Variants in WDFY4 observed in about 807,000 individuals in gnomAD.
WDFY4 encodes the protein WDFY family member 4.
Under a neutral mutation model 351.9 loss-of-function variants are expected in WDFY4, and 169 were observed. The ratio of observed to expected loss-of-function variants is 0.48; its 90% CI spans 0.42 to 0.55. WDFY4 has a LOEUF of 0.55. WDFY4 is among the 20% of genes least tolerant of loss of function. WDFY4 has a pLI of 0.00. For synonymous variants in WDFY4, 1,622 were observed against 1,574.6 expected (o/e 1.03, Z -0.71); for missense variants, 3,803 against 3,935.6 (o/e 0.97, Z 0.90).
chr10:48,694,861 A>T (rs1589398754), intron 1 of WDFY4, among the ~76,000 whole-genome samples: 1 of 151,684 alleles, frequency 6.6e-6, no homozygotes, highest in East Asian at 1.9e-4. Flanking sequence ...GACCTCCCAG[A>T]CTTCTCCACC....
At chr10:48,696,517 T>G (rs977746167) in intron 1 of WDFY4, among the ~76,000 whole-genome samples, 1 of 152,182 alleles carries the variant, frequency 6.6e-6, no homozygotes, top group Non-Finnish European at 1.5e-5. Flanking sequence ...CAGGCCCACA[T>G]CTCTACGGCC....
At chr10:48,932,359 A>T (rs1840066685) in intron 47 of WDFY4, 1 of 152,232 alleles carries the variant, frequency 6.6e-6, no homozygotes, top group Non-Finnish European at 1.5e-5. Context: ...ATCTTTGCTG[A>T]TTCCCAAATA....
intron 39 of WDFY4, among the ~76,000 whole-genome samples, chr10:48,866,409 A>T (rs1241745770): frequency 2.6e-5 from 4 of 152,124 alleles, no homozygotes; most frequent in Admixed American, 1.3e-4. Context: ...CTGCTAATTG[A>T]TTTCAAATTT....
chr10:48,786,294 CTG>C (rs1210788950), intron 19 of WDFY4, among the ~76,000 whole-genome samples: 1 of 152,130 alleles, frequency 6.6e-6, no homozygotes, highest in Non-Finnish European at 1.5e-5. Flanking sequence ...CCTTTCCACT[CTG>C]TATGTATGTA....
intron 29 of WDFY4, 114 bp downstream of exon 29, chr10:48,810,849 C>T: frequency 8.8e-7 from 1 of 1,140,696 alleles, no homozygotes; most frequent in Admixed American, 3.4e-5. Context: ...GCAGCAGGAT[C>T]ACCTCGAGCC....
At chr10:48,885,701 CAAT>C (rs1204711472) in intron 43 of WDFY4, among the ~76,000 whole-genome samples, 2 of 151,536 alleles carry the variant, frequency 1.3e-5, no homozygotes, top group Non-Finnish European at 2.9e-5. Context: ...AAATATAAAA[CAAT>C]AAGGAGATGT....
intron 44 of WDFY4, among the ~76,000 whole-genome samples, chr10:48,896,993 A>C (rs1288109508): frequency 1.3e-5 from 2 of 152,108 alleles, no homozygotes; most frequent in Non-Finnish European, 2.9e-5. Context: ...CAGGCTGGGC[A>C]TGGGGGAGCC....
At chr10:48,701,538 G>A (rs1399616562) in intron 1 of WDFY4, among the ~76,000 whole-genome samples, 1 of 152,180 alleles carries the variant, frequency 6.6e-6, no homozygotes, top group Non-Finnish European at 1.5e-5. Flanking sequence ...GAACTTAAAG[G>A]ACAGTCTCCC....
Position 48,774,408 on chromosome 10 carries a change from A to C in WDFY4, c.2554-50A>C, listed in dbSNP as rs1288961404. Reference sequence around the variant, plus strand: ...AAGTTGGAGCCTATAAAAGCTGTCCACAAGGTGTTCTGCCCTGGAGGGCTC... The same window carrying C: ...AAGTTGGAGCCTATAAAAGCTGTCCCCAAGGTGTTCTGCCCTGGAGGGCTC... On this transcript the variant is annotated intron_variant, in intron 13 of 61. Transcript: ENST00000325239. The C allele has an allele frequency of 2.6e-6, 4 of 1,541,558 alleles. 1 individual carries two copies. The highest frequency in any genetic ancestry group is 2.4e-5 in the South Asian group (2 of 83,802).
At chr10:48,870,228 G>T (rs1320296634) in intron 40 of WDFY4, among the ~76,000 whole-genome samples, 1 of 152,160 alleles carries the variant, frequency 6.6e-6, no homozygotes, top group South Asian at 2.1e-4. Context: ...GCTACCCAAG[G>T]GTTGCTGTGA....
intron 47 of WDFY4, among the ~76,000 whole-genome samples, chr10:48,920,586 C>G (rs1456690870): frequency 6.6e-6 from 1 of 152,132 alleles, no homozygotes; most frequent in Non-Finnish European, 1.5e-5. Context: ...ACAGAAGGTT[C>G]TTCTCTGAAG....
chr10:48,887,344 A>G (rs1031382778), intron 43 of WDFY4, among the ~76,000 whole-genome samples: 3 of 152,214 alleles, frequency 2.0e-5, no homozygotes, highest in African/African-American at 7.2e-5. Context: ...AATAAGAGAA[A>G]AAGTTTAAGC....
At chr10:48,941,683 T>C in intron 47 of WDFY4, 123 bp from the exon 48 acceptor site, 1 of 946,766 alleles carries the variant, frequency 1.1e-6, no homozygotes, top group Non-Finnish European at 1.7e-6. Context: ...GCTCTGGGAT[T>C]TGGGAAGTCT....
intron 1 of WDFY4, among the ~76,000 whole-genome samples, chr10:48,705,070 A>G (rs1321600205): frequency 1.3e-5 from 2 of 152,146 alleles, no homozygotes; most frequent in African/African-American, 4.8e-5. Flanking sequence ...GTCTGGCCCC[A>G]GAGTCTGTGC....
intron 47 of WDFY4, chr10:48,913,581 A>C: frequency 6.2e-7 from 1 of 1,613,950 alleles, no homozygotes; most frequent in Middle Eastern, 1.6e-4. Flanking sequence ...CAGCCTCCTG[A>C]TGGAGTCTAT....
chr10:48,709,637 G>A, intron 1 of WDFY4, 79 bp from the exon 2 acceptor site: 2 of 1,270,446 alleles, frequency 1.6e-6, no homozygotes, highest in African/African-American at 1.5e-5. Flanking sequence ...GGCTGAGTGA[G>A]TACAGTACCT....
Position 48,743,100 on chromosome 10 carries a change from G to A in WDFY4, c.2011G>A (p.Ala671Thr). Residue 671 changes from alanine (A) to threonine (T), a missense_variant, in exon 12 of 62, where the codon GCA becomes ACA. Ala to Thr is a moderately conservative substitution (Grantham distance 58). Transcript: ENST00000325239. Reference protein sequence around the residue: ...LQEPPLQAWGAVSPRQTLELV... With the variant: ...LQEPPLQAWGTVSPRQTLELV... ...GGAGCCCCCGCTGCAGGCATGGGGAGCAGTATCCCCCAGACAGACCCTGGA... is the reference window on the plus strand; with the variant it reads ...GGAGCCCCCGCTGCAGGCATGGGGAACAGTATCCCCCAGACAGACCCTGGA... 2 of 1,551,742 alleles carry A rather than the reference G, an allele frequency of 1.3e-6. No individual in the cohort carries two copies. The highest frequency in any genetic ancestry group is 1.7e-6 in the Non-Finnish European group (2 of 1,147,000).
At chr10:48,871,381 T>C (rs527628432) in intron 40 of WDFY4, among the ~76,000 whole-genome samples, 1 of 152,262 alleles carries the variant, frequency 6.6e-6, no homozygotes, top group East Asian at 1.9e-4. Context: ...GAAATATTTC[T>C]GCCAAACGAG....
rs73296631 is a variant in WDFY4, at chr10:48,921,224, A to G, written c.7586+19361A>G. Among the ~76,000 whole-genome samples, 522 of 152,294 alleles carry G rather than the reference A, an allele frequency of 3.4e-3. 2 individuals are homozygous for G. Among genetic ancestry groups the G allele is most frequent in the African/African-American group, 0.011 (466 of 41,564 alleles). On this transcript the variant is annotated intron_variant, in intron 47 of 61. Coordinates refer to ENST00000325239, the MANE Select transcript of WDFY4 (RefSeq NM_001394531.1). ...ATGTGTCCCAATTTTAAAATTTACC[A>G]TATAGTTACAGCATGTGGTATTATT...
Sources: allele counts gnomAD v4.1 joint callset (sites outside exome capture counted in the v4.1 genomes callset), GRCh38; gene constraint gnomAD v4.1.1; transcripts MANE v1.5; gene names NCBI Gene and HGNC (gene_info 2026-07-23, HGNC 2026-07-21).